SLC1A6: variants seen among roughly 807,000 people sequenced by gnomAD.
SLC1A6 encodes excitatory amino acid transporter 4.
Under a neutral mutation model 42.1 loss-of-function variants are expected in SLC1A6, and 15 were observed. The observed-to-expected ratio is 0.36, with a 90% CI of 0.24 to 0.55. SLC1A6 has a LOEUF of 0.55. SLC1A6 is among the 20% of genes least tolerant of loss of function. The pLI is 0.88. For missense variants in SLC1A6, 542 were observed against 772.5 expected, an observed-to-expected ratio of 0.70 and a Z score of 3.54; for synonymous variants, 317 against 319.7, an observed-to-expected ratio of 0.99 and a Z score of 0.09.
chr19:14,955,784 A>T (rs2045457082), intron 7 of SLC1A6, among the ~76,000 whole-genome samples: 2 of 150,612 alleles, frequency 1.3e-5, no homozygotes, highest in South Asian at 4.2e-4. Flanking sequence ...AAAATACAAA[A>T]ATTAGCCAGG....
chr19:14,960,258 AAAG>A (rs1265158758), intron 6 of SLC1A6, among the ~76,000 whole-genome samples: 1 of 152,266 alleles, frequency 6.6e-6, no homozygotes, highest in African/African-American at 2.4e-5. Flanking sequence ...TAAATGAATG[AAAG>A]AATAACAAAT....
At position 14,979,545 on chromosome 19, in the gene SLC1A6, C is replaced by G. The variant is rs1206697752; in HGVS notation, c.-244G>C. On this transcript the variant is annotated 5_prime_UTR_variant, in exon 1 of 10. Transcript: ENST00000594383. This position sits in a 1 kb window ranked among gnomAD's most constrained non-coding sequence, Gnocchi z 4.2. The stretch of plus-strand genomic sequence containing the variant: ...CGGAGCGGCGGGGGCGGCCTGCCCG[C>G]GCCTCGGCCTGCGCGCTGCGCCCGG... 1 of 150,954 alleles carries G rather than the reference C, an allele frequency of 6.6e-6. No individual in the cohort carries two copies. The highest frequency in any genetic ancestry group is 1.5e-5 in the Non-Finnish European group (1 of 67,678). 9.4% of individuals were successfully genotyped at this position (150,954 alleles called of 1,614,324 possible). A position where few individuals can be genotyped will look rare whatever the true frequency, so the allele number is the denominator to read the frequency against.
At chr19:15,003,464 C>T (rs2045881644) in intron 1 of SLC1A6, among the ~76,000 whole-genome samples, 1 of 152,026 alleles carries the variant, frequency 6.6e-6, no homozygotes, top group Non-Finnish European at 1.5e-5. Flanking sequence ...CCTCATTTCT[C>T]AAAGACAAAA....
chr19:14,975,479 G>T (rs550473534), intron 1 of SLC1A6, among the ~76,000 whole-genome samples: 9 of 152,104 alleles, frequency 5.9e-5, no homozygotes, highest in South Asian at 2.1e-4. Flanking sequence ...AACGGCCAGG[G>T]CGCAGTGGCT....
chr19:14,971,641 A>T, intron 3 of SLC1A6, 96 bp downstream of exon 3: 1 of 1,248,012 alleles, frequency 8.0e-7, no homozygotes, highest in Non-Finnish European at 1.1e-6. Context: ...TGCCGCGTCA[A>T]GGAAGTGGTC....
Position 14,979,814 on chromosome 19 carries a change from C to G in SLC1A6, c.-513G>C, listed in dbSNP as rs528091066. 2 of 150,246 alleles carry G rather than the reference C, an allele frequency of 1.3e-5. No individual in the cohort carries two copies. The highest frequency in any genetic ancestry group is 4.0e-4 in the East Asian group (2 of 5,014). 9.3% of individuals were successfully genotyped at this position (150,246 alleles called of 1,614,324 possible). On this transcript the variant is annotated 5_prime_UTR_variant, in exon 1 of 10. Transcript: ENST00000594383. The surrounding 1 kb of genome is among the most constrained non-coding windows in gnomAD (Gnocchi z 4.2). ...CCTCCCCCGCGCCCAGCCCAGGCTC[C>G]GCAGCCGTGTGGGAGAAGGGGGACA...
At chr19:14,973,036 T>G (rs2045663271) in intron 1 of SLC1A6, 119 bp from the exon 2 acceptor site, 4 of 770,982 alleles carry the variant, frequency 5.2e-6, no homozygotes, top group Non-Finnish European at 8.2e-6. Flanking sequence ...AAGGCGGGGG[T>G]GGCTGGGTGT....
chr19:14,986,961 G>A (rs1440442499), intron 1 of SLC1A6, among the ~76,000 whole-genome samples: 1 of 152,092 alleles, frequency 6.6e-6, no homozygotes, highest in African/African-American at 2.4e-5. Flanking sequence ...GTTGATTCAC[G>A]CTTACATGAT....
chr19:14,961,717 G>C (rs2045513188), intron 6 of SLC1A6: 3 of 377,812 alleles, frequency 7.9e-6, no homozygotes, highest in Non-Finnish European at 1.4e-5. Context: ...GAACAAAGCA[G>C]TGAATGAATC....
At chr19:14,998,904 G>A (rs2045860157) in intron 1 of SLC1A6, among the ~76,000 whole-genome samples, 2 of 107,804 alleles carry the variant, frequency 1.9e-5, no homozygotes, top group African/African-American at 7.3e-5. Flanking sequence ...TTTTAATGGA[G>A]TCTTGCTCTG....
chr19:14,962,059 C>T lies in SLC1A6; in HGVS notation c.878G>A (p.Arg293Lys). 3 of 1,614,170 alleles carry T rather than the reference C, an allele frequency of 1.9e-6. No individual in the cohort carries two copies. Among genetic ancestry groups the T allele is most frequent in the Non-Finnish European group, 2.5e-6 (3 of 1,180,026 alleles). The change falls in exon 6 of 10, where the codon AGG becomes AAG. Residue 293 changes from arginine (R) to lysine (K), a missense_variant. By Grantham distance (26) the Arg-to-Lys change is conservative (BLOSUM62 2). Coordinates refer to ENST00000594383, the MANE Select transcript of SLC1A6 (RefSeq NM_005071.3). The part of the protein sequence containing the change: ...GGMKHKGRVL[R>K]DFFDSLNEAI... Reference sequence around the variant, plus strand: ...CTCATTGAGGCTGTCGAAGAAGTCCCTGAGGACTCTGCCCTTGTGTTTCAT... The same window carrying T: ...CTCATTGAGGCTGTCGAAGAAGTCCTTGAGGACTCTGCCCTTGTGTTTCAT...
chr19:15,005,259 CAA>C (rs59367163), intron 1 of SLC1A6, among the ~76,000 whole-genome samples: 5,722 of 90,966 alleles, frequency 0.063, 152 homozygotes, highest in African/African-American at 0.11. Context: ...GACCCTGTCT[CAA>C]AAAAAAAAAA....
chr19:14,960,826 A>T (rs1188605465), intron 6 of SLC1A6, among the ~76,000 whole-genome samples: 1 of 152,186 alleles, frequency 6.6e-6, no homozygotes, highest in Non-Finnish European at 1.5e-5. Flanking sequence ...TAAATAGGAG[A>T]AATAAGTTCA....
chr19:14,996,311 A>C (rs2045845371), intron 1 of SLC1A6, among the ~76,000 whole-genome samples: 1 of 152,188 alleles, frequency 6.6e-6, no homozygotes, highest in Non-Finnish European at 1.5e-5. Flanking sequence ...TTGCAAGGAG[A>C]ATGGGGAGTT....
At chr19:14,984,544 C>T (rs180947002), upstream of SLC1A6, among the ~76,000 whole-genome samples, 11 of 152,222 alleles carry the variant, frequency 7.2e-5, no homozygotes, top group East Asian at 1.5e-3. Flanking sequence ...TTCTTTGAGA[C>T]GACACCAAAA....
At chr19:14,974,495 A>G (rs1418466918) in intron 1 of SLC1A6, 3 of 152,146 alleles carry the variant, frequency 2.0e-5, no homozygotes, top group African/African-American at 7.2e-5. Context: ...AAACTTGCCC[A>G]TCTGTCTACC....
chr19:14,975,797 G>A, intron 1 of SLC1A6, among the ~76,000 whole-genome samples: 1 of 142,742 alleles, frequency 7.0e-6, no homozygotes, highest in African/African-American at 2.7e-5. Flanking sequence ...AGGAGGGAAG[G>A]GAACGGAAGG....
At chr19:14,980,937 ACTC>A (rs35380916), upstream of SLC1A6, among the ~76,000 whole-genome samples, 3,888 of 151,718 alleles carry the variant, frequency 0.026, 67 homozygotes, top group Non-Finnish European at 0.039. Context: ...CTTTGCAACA[ACTC>A]CTAGATAGGT....
chr19:14,972,040 T>G (rs1490301994), intron 2 of SLC1A6, among the ~76,000 whole-genome samples, 166 bp from the exon 3 acceptor site: 1 of 152,168 alleles, frequency 6.6e-6, no homozygotes, highest in Non-Finnish European at 1.5e-5. Flanking sequence ...ATTGTAGAAA[T>G]GTATGCATGT....
Sources: gnomAD v4.1 joint callset for allele counts (sites outside exome capture counted in the v4.1 genomes callset) on GRCh38, gnomAD v4.1.1 for gene constraint, Gnocchi (gnomAD v3.1) non-coding constraint, MANE v1.5 for transcripts, NCBI Gene and HGNC (gene_info 2026-07-23, HGNC 2026-07-21) for gene names.